Variants in DNAAF9 observed in about 807,000 individuals in gnomAD.
DNAAF9 encodes shulin.
DNAAF9 carries 90 observed loss-of-function variants against 167.0 expected under a neutral mutation model. That is an observed-to-expected ratio of 0.54 (90% CI 0.45 to 0.64). The LOEUF is 0.64. DNAAF9 is among the 30% of genes least tolerant of loss of function. The probability of loss-of-function intolerance (pLI) is 0.00; values close to 1 mark genes in which losing one functional copy is unlikely to be tolerated. For missense variants in DNAAF9, 1,315 were observed against 1,442.2 expected (o/e 0.91, Z 1.43); for synonymous variants, 491 against 508.8 (o/e 0.96, Z 0.47).
chr20:3,260,288 G>A (rs1031307695), intron 31 of DNAAF9, among the ~76,000 whole-genome samples: 12 of 152,082 alleles, frequency 7.9e-5, no homozygotes, highest in African/African-American at 1.9e-4. Context: ...GCAGTGAGGC[G>A]AGATTGCGCC....
chr20:3,338,206 C>T (rs943060084), intron 10 of DNAAF9, among the ~76,000 whole-genome samples: 3 of 151,834 alleles, frequency 2.0e-5, no homozygotes, highest in Non-Finnish European at 4.4e-5. Flanking sequence ...TTTGTTTCCT[C>T]CTTTTTCTTT....
chr20:3,296,167 T>C lies in DNAAF9; in HGVS notation c.2018+694A>G, dbSNP rs528429984. On this transcript the variant is annotated intron_variant, in intron 23 of 36. Transcript: ENST00000252032. ...GTTCTGCAACCTCTGTAGTCCCACC[T>C]GCTAAGCGGGAGGATAACCTGAGCC... 4.9e-5 allele frequency: 29 copies of C among 591,706 alleles called. No individual in the cohort carries two copies. In the East Asian group the frequency reaches 1.2e-3, roughly 24 times the overall value. The allele number at this position is 591,706 out of a possible 1,614,324, so 36.7% of individuals were successfully genotyped here.
At chr20:3,357,752 G>A (rs1031805129) in intron 7 of DNAAF9, among the ~76,000 whole-genome samples, 1 of 151,664 alleles carries the variant, frequency 6.6e-6, no homozygotes, top group Non-Finnish European at 1.5e-5. Context: ...AGTGTGGAGC[G>A]CAATGGTACA....
chr20:3,382,433 T>C lies in DNAAF9; in HGVS notation c.157A>G (p.Ile53Val), dbSNP rs1299777721. ...SKSRPDGILC[I>V]LGIDSRYNEG... ...CCTTGTTAAAAGCACTGACCTAGGA[T>C]GCAGAGGATCCCATCCGGCCGAGAC... Residue 53 changes from isoleucine to valine, a missense_variant, in exon 2 of 37, where the codon ATC becomes GTC. Coordinates refer to ENST00000252032, the MANE Select transcript of DNAAF9 (RefSeq NM_001009984.3). The C allele has an allele frequency of 6.2e-7, 1 of 1,613,456 alleles. No homozygotes were observed. The highest frequency in any genetic ancestry group is 8.5e-7 in the Non-Finnish European group (1 of 1,179,522).
At chr20:3,342,799 C>G (rs950212532) in intron 9 of DNAAF9, among the ~76,000 whole-genome samples, 4 of 152,116 alleles carry the variant, frequency 2.6e-5, no homozygotes, top group Non-Finnish European at 4.4e-5. Context: ...TCCTCTCTAT[C>G]CATCAGAGGA....
intron 14 of DNAAF9, among the ~76,000 whole-genome samples, chr20:3,324,565 T>C (rs1025785640): frequency 1.3e-5 from 2 of 152,206 alleles, no homozygotes; most frequent in Non-Finnish European, 2.9e-5. Context: ...CAGGGCCCTC[T>C]GCCCCTAGAA....
chr20:3,381,939 A>G (rs2083659779), intron 2 of DNAAF9, among the ~76,000 whole-genome samples: 1 of 152,194 alleles, frequency 6.6e-6, no homozygotes, highest in Non-Finnish European at 1.5e-5. Flanking sequence ...TCACTTTACA[A>G]TTATGAGGCT....
intron 31 of DNAAF9, among the ~76,000 whole-genome samples, chr20:3,264,177 C>A (rs1393461896): frequency 1.3e-5 from 2 of 152,204 alleles, no homozygotes; most frequent in Non-Finnish European, 2.9e-5. Context: ...GAACACAGGG[C>A]ACAGCGGTGC....
rs763807027 is a variant in DNAAF9 at position 3,294,238 on chromosome 20, G to C, written c.2139C>G (p.Ala713=). The change falls in exon 25 of 37, where the codon GCC becomes GCG. Residue 713 remains alanine, a synonymous_variant. Transcript: ENST00000252032. ...PELDWFLQHF[A]ISSISQEPVM... ...CAGGCTCCTGGCTAATGCTGCTGAT[G>C]GCGAAATGCTGGAGAAACCTAAAAA... The C allele has an allele frequency of 3.7e-6, 6 of 1,611,074 alleles. No individual in the cohort carries two copies. The East Asian group carries it at 8.9e-5, about 24-fold the overall frequency.
chr20:3,323,748 G>A (rs990042372), intron 14 of DNAAF9, among the ~76,000 whole-genome samples: 1 of 152,206 alleles, frequency 6.6e-6, no homozygotes, highest in Admixed American at 6.5e-5. Context: ...CTGCTCTGGG[G>A]AGGCTGAGTG....
intron 29 of DNAAF9, among the ~76,000 whole-genome samples, chr20:3,274,141 T>C (rs913654476): frequency 6.8e-6 from 1 of 148,012 alleles, no homozygotes; most frequent in Non-Finnish European, 1.5e-5. Flanking sequence ...ATATTCTTTA[T>C]TTTTATTTTT....
At chr20:3,326,681 G>A (rs1291554009) in intron 12 of DNAAF9, among the ~76,000 whole-genome samples, 7 of 150,930 alleles carry the variant, frequency 4.6e-5, no homozygotes, top group African/African-American at 1.7e-4. Context: ...GGAGGCAGAA[G>A]AGGCTGCAGT....
intron 10 of DNAAF9, among the ~76,000 whole-genome samples, chr20:3,336,889 T>TC (rs2069965563): frequency 6.7e-6 from 1 of 150,206 alleles, no homozygotes; most frequent in Non-Finnish European, 1.5e-5. Context: ...TTTCTTTTTT[T>TC]TTTTTTTTTG....
intron 23 of DNAAF9, chr20:3,296,089 C>T: frequency 1.4e-6 from 1 of 715,532 alleles, no homozygotes; most frequent in South Asian, 1.3e-5. Context: ...AACAGTGAAG[C>T]TTGTTTGGAT....
rs760726684 is a variant in DNAAF9 at position 3,281,777 on chromosome 20, TA to T, written c.2487-12del. ...ATAACATCTGTGTAGCTGGGGAAGG[TA>T]AAAAAGGAATGATTAGTTCACTGAC... On this transcript the variant is annotated splice_polypyrimidine_tract_variant and intron_variant, in intron 27 of 36. Transcript: ENST00000252032. 2.5e-6 allele frequency: 4 copies of T among 1,602,018 alleles called. No homozygotes were observed. The highest frequency in any genetic ancestry group is 1.1e-5 in the South Asian group (1 of 88,704).
intron 20 of DNAAF9, among the ~76,000 whole-genome samples, chr20:3,313,911 G>T (rs928882855): frequency 6.6e-6 from 1 of 152,194 alleles, no homozygotes; most frequent in African/African-American, 2.4e-5. Context: ...AGGCAGAGCT[G>T]AGAGCCAGAA....
In DNAAF9 at chr20:3,280,266, CTTACT is replaced by C. The variant is rs370549018; in HGVS notation, c.2613-1322_2613-1318del. On this transcript the variant is annotated intron_variant, in intron 28 of 36. Transcript: ENST00000252032. ...CTGCCACACAGTAAGCATTCTTTTA[CTTACT>C]TTAAAGTTTTACTTAAAAAAATTTA... Among the ~76,000 whole-genome samples, 1,058 of 152,250 alleles carry C rather than the reference CTTACT, an allele frequency of 6.9e-3. 9 individuals carry two copies. The highest frequency in any genetic ancestry group is 0.023 in the African/African-American group (957 of 41,540).
chr20:3,383,248 C>T (rs1376835194), intron 1 of DNAAF9, among the ~76,000 whole-genome samples: 1 of 151,316 alleles, frequency 6.6e-6, no homozygotes, highest in East Asian at 1.9e-4. Context: ...CCAGGATCTG[C>T]CTCTAATACT....
chr20:3,349,231 A>C (rs1056565741), intron 7 of DNAAF9, among the ~76,000 whole-genome samples: 2 of 149,790 alleles, frequency 1.3e-5, no homozygotes, highest in Non-Finnish European at 3.0e-5. Context: ...CCATGAAAAA[A>C]ACGAGCTGAG....
Sources: allele counts gnomAD v4.1 joint callset (sites outside exome capture counted in the v4.1 genomes callset), GRCh38; gene constraint gnomAD v4.1.1; transcripts MANE v1.5; gene names NCBI Gene and HGNC (gene_info 2026-07-23, HGNC 2026-07-21).